The following POLN variants were observed in gnomAD, a reference collection of about 807,000 sequenced individuals.
The protein encoded by POLN is DNA polymerase nu.
A neutral mutation model predicts 113.5 loss-of-function variants in POLN; 108 were observed. The observed-to-expected ratio is 0.95, with a 90% CI of 0.81 to 1.12. POLN has a LOEUF of 1.12. Among genes scored for constraint, POLN ranks in the 50% most tolerant of loss-of-function variants. The pLI, the probability that POLN is intolerant of heterozygous loss-of-function variation, is 0.00. For synonymous variants in POLN, 386 were observed against 391.5 expected (o/e 0.99, Z 0.17); for missense variants, 1,097 against 1,077.1 (o/e 1.02, Z -0.26).
intron 24 of POLN, among the ~76,000 whole-genome samples, chr4:2,074,520 G>GTGTTAA (rs1162422567): frequency 1.3e-5 from 2 of 152,230 alleles, no homozygotes; most frequent in African/African-American, 4.8e-5. Flanking sequence ...GGTCACGTAA[G>GTGTTAA]GTGGGTGTGT....
At chr4:2,212,021 T>G (rs1734005538) in intron 4 of POLN, among the ~76,000 whole-genome samples, 1 of 152,134 alleles carries the variant, frequency 6.6e-6, no homozygotes. Context: ...AATCATCCTA[T>G]GAACCCAGGG....
chr4:2,224,735 G>C (rs1345734084), intron 3 of POLN, among the ~76,000 whole-genome samples: 3 of 152,130 alleles, frequency 2.0e-5, no homozygotes, highest in African/African-American at 7.2e-5. Flanking sequence ...AGGATCACCT[G>C]AGGTCAGGAG....
intron 13 of POLN, among the ~76,000 whole-genome samples, chr4:2,161,484 C>G (rs1421839368): frequency 6.6e-6 from 1 of 152,252 alleles, no homozygotes; most frequent in East Asian, 1.9e-4. Flanking sequence ...ATTTCTCACC[C>G]GGCCTTAGCT....
chr4:2,126,929 C>T lies in POLN; in HGVS notation c.1982+1184G>A, dbSNP rs966861042. The stretch of plus-strand genomic sequence containing the variant: ...CCTTCAGCAAAGACAGAGGCGGAGA[C>T]AGCGCATGGGGAGGGGAGTGCAGGG... On this transcript the variant is annotated intron_variant, in intron 19 of 25. Transcript: ENST00000511885. This position sits in a 1 kb window ranked among gnomAD's most constrained non-coding sequence, Gnocchi z 4.6. Among the ~76,000 whole-genome samples the T allele has an allele frequency of 1.3e-5, 2 of 152,142 alleles. No homozygotes were observed. Among genetic ancestry groups the T allele is most frequent in the Non-Finnish European group, 2.9e-5 (2 of 68,012 alleles).
intron 3 of POLN, among the ~76,000 whole-genome samples, chr4:2,220,452 T>G (rs953866532): frequency 2.0e-5 from 3 of 152,222 alleles, no homozygotes; most frequent in Non-Finnish European, 2.9e-5. Flanking sequence ...TGATACCCCA[T>G]AGGTGGGTTC....
intron 19 of POLN, among the ~76,000 whole-genome samples, chr4:2,107,664 A>G (rs538449127): frequency 9.2e-5 from 14 of 152,322 alleles, no homozygotes; most frequent in African/African-American, 3.4e-4. Context: ...CAGGGGGACC[A>G]CTGGCCTGGC....
At chr4:2,082,272 C>G (rs1730439724) in intron 21 of POLN, among the ~76,000 whole-genome samples, 1 of 152,154 alleles carries the variant, frequency 6.6e-6, no homozygotes, top group South Asian at 2.1e-4. Flanking sequence ...GCACTCTCAG[C>G]TCTGTACTCT....
chr4:2,144,329 G>C (rs1004023884), intron 16 of POLN, among the ~76,000 whole-genome samples: 12 of 151,828 alleles, frequency 7.9e-5, no homozygotes, highest in Non-Finnish European at 1.6e-4. Context: ...ATTTTTAGTA[G>C]AGATGGGGTT....
intron 13 of POLN, among the ~76,000 whole-genome samples, chr4:2,164,928 G>A (rs1200330754): frequency 6.6e-6 from 1 of 150,764 alleles, no homozygotes; most frequent in Non-Finnish European, 1.5e-5. Flanking sequence ...GCAAGGATGT[G>A]GAGCAACAGG....
At chr4:2,231,924 T>C (rs767894998) in intron 2 of POLN, 1 of 1,202,344 alleles carries the variant, frequency 8.3e-7, no homozygotes, top group African/African-American at 1.6e-5. Context: ...TTTTCAGTAA[T>C]TTTCAATCTT....
At chr4:2,104,178 T>C (rs896717088) in intron 19 of POLN, among the ~76,000 whole-genome samples, 2 of 152,204 alleles carry the variant, frequency 1.3e-5, no homozygotes, top group African/African-American at 4.8e-5. Context: ...ATTAGCAATA[T>C]GACAGGAACA....
intron 17 of POLN, among the ~76,000 whole-genome samples, chr4:2,129,687 G>T (rs1210193009): frequency 6.6e-6 from 1 of 152,148 alleles, no homozygotes; most frequent in Non-Finnish European, 1.5e-5. Flanking sequence ...ATGGCGCCTG[G>T]CCTTATTAAT....
intron 16 of POLN, among the ~76,000 whole-genome samples, chr4:2,133,742 C>T (rs1247505609): frequency 1.3e-5 from 2 of 152,080 alleles, no homozygotes; most frequent in Non-Finnish European, 2.9e-5. Flanking sequence ...TCTTTTCTCC[C>T]CCTGCCCCCC....
intron 11 of POLN, among the ~76,000 whole-genome samples, chr4:2,173,040 G>A (rs1732902952): frequency 1.3e-5 from 2 of 152,186 alleles, no homozygotes; most frequent in Admixed American, 1.3e-4. Context: ...GTAAGTCACT[G>A]TTTACTTACA....
In POLN at chr4:2,157,867, G is replaced by A. The variant is rs1283393757; in HGVS notation, c.1656C>T (p.Cys552=). The A allele has an allele frequency of 6.2e-7, 1 of 1,604,790 alleles. No individual in the cohort carries two copies. The highest frequency in any genetic ancestry group is 1.3e-5 in the African/African-American group (1 of 74,438). Residue 552 remains cysteine (C), a synonymous_variant, in exon 15 of 26, where the codon TGC becomes TGT. Transcript: ENST00000511885. ...KSTFVDGLLA[C]MKKGSISSTW... ...TTGTAAAGCTTGTTACCTTTTTCATGCAAGCTAGTAATCCATCTACAAAGG... is the reference window on the plus strand; with the variant it reads ...TTGTAAAGCTTGTTACCTTTTTCATACAAGCTAGTAATCCATCTACAAAGG...
In POLN at chr4:2,127,097, G is replaced by C. The variant is rs1349119217; in HGVS notation, c.1982+1016C>G. ...CCTTTCTGTGTGACATCGTGAGGGT[G>C]AACAGGTGGCAGGAGATGAGCTGGG... On this transcript the variant is annotated intron_variant, in intron 19 of 25. Transcript: ENST00000511885. The surrounding 1 kb of genome is among the most constrained non-coding windows in gnomAD (Gnocchi z 4.7). 9.3e-5 allele frequency among the ~76,000 whole-genome samples: 14 copies of C among 150,496 alleles called. No individual in the cohort carries two copies. The highest frequency in any genetic ancestry group is 3.4e-4 in the African/African-American group (14 of 40,936).
intron 13 of POLN, among the ~76,000 whole-genome samples, chr4:2,166,727 G>A (rs963413113): frequency 3.9e-5 from 6 of 152,076 alleles, no homozygotes; most frequent in Non-Finnish European, 7.4e-5. Flanking sequence ...AGACTCTCCC[G>A]TGTTTGGACT....
intron 24 of POLN, among the ~76,000 whole-genome samples, chr4:2,074,179 C>T (rs532245006): frequency 6.6e-6 from 1 of 152,300 alleles, no homozygotes; most frequent in South Asian, 2.1e-4. Flanking sequence ...GGGCAGCAAG[C>T]GTGGGGCTGA....
chr4:2,158,985 A>G (rs993149310), intron 14 of POLN, among the ~76,000 whole-genome samples, 170 bp downstream of exon 14: 2 of 152,142 alleles, frequency 1.3e-5, no homozygotes, highest in African/African-American at 4.8e-5. Flanking sequence ...GTAAAATCAC[A>G]TGGGGTACAA....
Sources: gnomAD v4.1 joint callset for allele counts (sites outside exome capture counted in the v4.1 genomes callset) on GRCh38, gnomAD v4.1.1 for gene constraint, Gnocchi (gnomAD v3.1) non-coding constraint, MANE v1.5 for transcripts, NCBI Gene and HGNC (gene_info 2026-07-23, HGNC 2026-07-21) for gene names.